CACNA1B: variants seen among roughly 807,000 people sequenced by gnomAD.
CACNA1B encodes the protein voltage-dependent N-type calcium channel subunit alpha-1B.
Under a neutral mutation model 247.2 loss-of-function variants are expected in CACNA1B, and 70 were observed. The observed-to-expected ratio is 0.28, with a 90% confidence interval of 0.23 to 0.35. CACNA1B has a LOEUF of 0.35. CACNA1B is among the 10% of genes least tolerant of loss of function. CACNA1B has a pLI of 1.00. For synonymous variants in CACNA1B, 1,231 were observed against 1,294.4 expected (o/e 0.95, Z 1.05); for missense variants, 2,367 against 3,197.4 (o/e 0.74, Z 6.26).
intron 37 of CACNA1B, among the ~76,000 whole-genome samples, chr9:138,101,516 G>A (rs554138420): frequency 7.2e-5 from 11 of 152,352 alleles, no homozygotes; most frequent in African/African-American, 2.4e-4. Context: ...CCGAGCTCTC[G>A]AGAGTGAGCT....
In CACNA1B at chr9:138,020,667, G is replaced by A. The variant is rs1430538748; in HGVS notation, c.2268-2344G>A. On this transcript the variant is annotated intron_variant, in intron 18 of 46. Transcript: ENST00000371372. The surrounding 1 kb of genome is among the most constrained non-coding windows in gnomAD (Gnocchi z 4.1). ...GGCCAGGTGGAACCAGTGGGGCTGC[G>A]GGGGGCGGGCAGGTGCCCTAGCGTA... Among the ~76,000 whole-genome samples the A allele has an allele frequency of 1.3e-5, 2 of 152,156 alleles. No individual in the cohort carries two copies. Among genetic ancestry groups the A allele is most frequent in the Non-Finnish European group, 2.9e-5 (2 of 68,024 alleles).
Position 138,087,073 on chromosome 9 carries a change from G to A in CACNA1B, c.5094+8815G>A, listed in dbSNP as rs117014443. Among the ~76,000 whole-genome samples, 47 of 151,272 alleles carry A rather than the reference G, an allele frequency of 3.1e-4. 6 individuals carry two copies. In the East Asian group the frequency reaches 9.5e-3, roughly 31 times the overall value. On this transcript the variant is annotated intron_variant, in intron 36 of 46. Coordinates refer to ENST00000371372, the MANE Select transcript of CACNA1B (RefSeq NM_000718.4). The stretch of plus-strand genomic sequence containing the variant: ...TTCTCCTGAAAGACAAATGGGCCAA[G>A]GAAGAAATTAAGAAGGCAGTTTTAC...
chr9:138,035,450 C>T (rs570374343), intron 20 of CACNA1B, among the ~76,000 whole-genome samples: 6 of 152,068 alleles, frequency 3.9e-5, no homozygotes, highest in Admixed American at 6.5e-5. Flanking sequence ...TGGGCAACAG[C>T]GAGACTGTCT....
At chr9:137,975,384 C>T (rs542220630) in intron 11 of CACNA1B, among the ~76,000 whole-genome samples, 10 of 152,212 alleles carry the variant, frequency 6.6e-5, no homozygotes, top group Admixed American at 1.3e-4. Context: ...GCCACAGTGC[C>T]GTGGACATTG....
chr9:137,921,936 A>G (rs866402964), intron 6 of CACNA1B, among the ~76,000 whole-genome samples: 21 of 138,360 alleles, frequency 1.5e-4, no homozygotes, highest in Middle Eastern at 9.5e-3. Flanking sequence ...GGTCAGCACC[A>G]CGACCGCACA....
At chr9:137,996,480 GAA>G (rs1419933465) in intron 15 of CACNA1B, among the ~76,000 whole-genome samples, 1 of 152,122 alleles carries the variant, frequency 6.6e-6, no homozygotes, top group Non-Finnish European at 1.5e-5. Context: ...AAAGGCATAA[GAA>G]TGATACAATG....
chr9:137,906,701 G>C (rs937043142), intron 3 of CACNA1B, among the ~76,000 whole-genome samples: 3 of 151,956 alleles, frequency 2.0e-5, no homozygotes, highest in African/African-American at 7.3e-5. Flanking sequence ...TAACATATGT[G>C]TTTCTCTTCA....
intron 20 of CACNA1B, chr9:138,032,531 G>T (rs1736954233): frequency 6.5e-6 from 2 of 308,646 alleles, no homozygotes; most frequent in Non-Finnish European, 1.3e-5. Context: ...CTGTTTAGGG[G>T]AACTTCCTTA....
chr9:138,043,356 G>A (rs1226976188), intron 20 of CACNA1B, among the ~76,000 whole-genome samples: 1 of 152,184 alleles, frequency 6.6e-6, no homozygotes, highest in South Asian at 2.1e-4. Flanking sequence ...GAGGTACAGG[G>A]AGCCTCTGTG....
At chr9:137,895,115 C>A (rs968107663) in intron 3 of CACNA1B, among the ~76,000 whole-genome samples, 4 of 152,180 alleles carry the variant, frequency 2.6e-5, no homozygotes, top group African/African-American at 9.7e-5. Flanking sequence ...GCATTTCTTC[C>A]ATTGAATTGC....
intron 36 of CACNA1B, among the ~76,000 whole-genome samples, chr9:138,094,862 G>A (rs1381359669): frequency 6.6e-6 from 1 of 152,174 alleles, no homozygotes; most frequent in African/African-American, 2.4e-5. Context: ...TTCAGTGAGG[G>A]AGAGAATAAT....
chr9:137,945,354 G>A (rs929673106), intron 6 of CACNA1B, among the ~76,000 whole-genome samples: 1 of 152,180 alleles, frequency 6.6e-6, no homozygotes, highest in Non-Finnish European at 1.5e-5. Flanking sequence ...GATTTTACCT[G>A]GGGTGGCCAT....
chr9:137,953,641 G>A (rs1226241279), intron 7 of CACNA1B, among the ~76,000 whole-genome samples: 1 of 152,194 alleles, frequency 6.6e-6, no homozygotes, highest in Non-Finnish European at 1.5e-5. Context: ...AGGCACCGGG[G>A]GAGGGACATC....
rs12236550 is a variant in CACNA1B at position 137,943,581 on chromosome 9, G to A, written c.967-8693G>A. Reference sequence around the variant, plus strand: ...TCTGTAACCTGCACGGACCTTGGGGGACTGAACAAAGGATGACGAATGCGG... The same window carrying A: ...TCTGTAACCTGCACGGACCTTGGGGAACTGAACAAAGGATGACGAATGCGG... On this transcript the variant is annotated intron_variant, in intron 6 of 46. Coordinates refer to ENST00000371372, the MANE Select transcript of CACNA1B (RefSeq NM_000718.4). 8.4e-3 allele frequency among the ~76,000 whole-genome samples: 1,279 copies of A among 152,282 alleles called. 74 individuals carry two copies. The East Asian group carries it at 0.15, about 18-fold the overall frequency.
chr9:138,101,893 C>G (rs529885773), intron 37 of CACNA1B, among the ~76,000 whole-genome samples: 1 of 152,346 alleles, frequency 6.6e-6, no homozygotes, highest in South Asian at 2.1e-4. Context: ...GGCCCCAGGC[C>G]TCGTGGCCTC....
intron 20 of CACNA1B, among the ~76,000 whole-genome samples, chr9:138,027,110 G>A (rs1353732912): frequency 6.6e-6 from 1 of 151,932 alleles, no homozygotes; most frequent in East Asian, 1.9e-4. Flanking sequence ...TTTTTATTCT[G>A]GCTGTTTGTT....
intron 24 of CACNA1B, chr9:138,049,995 ATC>A: frequency 1.9e-6 from 2 of 1,056,236 alleles, no homozygotes; most frequent in East Asian, 5.9e-5. Context: ...GAGGGTCCAC[ATC>A]TCTCTGAGCG....
chr9:137,946,028 G>T (rs1266622518), intron 6 of CACNA1B, among the ~76,000 whole-genome samples: 28 of 151,902 alleles, frequency 1.8e-4, no homozygotes, highest in Admixed American at 1.8e-3. Flanking sequence ...CACCATATTG[G>T]CCAGGCTGGT....
Position 138,050,122 on chromosome 9 carries a change from A to C in CACNA1B, c.3710+807A>C. Reference sequence around the variant, plus strand: ...CTCTCCCCCACACGCTGCCCCTGACATCACAGCATTCCAGCAGCCCCTCTT... The same window carrying C: ...CTCTCCCCCACACGCTGCCCCTGACCTCACAGCATTCCAGCAGCCCCTCTT... On this transcript the variant is annotated intron_variant, in intron 24 of 46. Coordinates refer to ENST00000371372, the MANE Select transcript of CACNA1B (RefSeq NM_000718.4). The surrounding 1 kb of genome is among the most constrained non-coding windows in gnomAD (Gnocchi z 5.2). 7.8e-7 allele frequency: 1 copy of C among 1,282,016 alleles called. No individual in the cohort carries two copies. The highest frequency in any genetic ancestry group is 1.0e-6 in the Non-Finnish European group (1 of 981,704). The allele number at this position is 1,282,016 out of a possible 1,614,324, so 79.4% of individuals were successfully genotyped here.
Sources: allele counts gnomAD v4.1 joint callset (sites outside exome capture counted in the v4.1 genomes callset), GRCh38; gene constraint gnomAD v4.1.1; non-coding constraint Gnocchi (gnomAD v3.1); transcripts MANE v1.5; gene names NCBI Gene and HGNC (gene_info 2026-07-23, HGNC 2026-07-21).